The following SLC4A4 variants were observed in gnomAD, a reference collection of about 807,000 sequenced individuals.
SLC4A4 encodes solute carrier family 4 member 4, also known as electrogenic sodium bicarbonate cotransporter 1.
In SLC4A4, 27 loss-of-function variants were observed where a neutral mutation model predicts 111.5. The observed-to-expected ratio is 0.24, with a 90% CI of 0.18 to 0.33. The LOEUF (loss-of-function observed/expected upper bound fraction) is 0.33. Among genes scored for constraint, SLC4A4 ranks in the 10% least tolerant of loss-of-function variants. The pLI, the probability that SLC4A4 is intolerant of heterozygous loss-of-function variation, is 1.00. For synonymous variants in SLC4A4, 443 were observed against 463.4 expected, an observed-to-expected ratio of 0.96 and a Z score of 0.57; for missense variants, 909 against 1,315.5, an observed-to-expected ratio of 0.69 and a Z score of 4.78.
At chr4:71,074,185 T>C (rs991046808) in intron 1 of SLC4A4, among the ~76,000 whole-genome samples, 8 of 152,294 alleles carry the variant, frequency 5.3e-5, no homozygotes, top group Admixed American at 4.6e-4. Context: ...GTCACTCTGT[T>C]TCTCCATAGT....
intron 7 of SLC4A4, among the ~76,000 whole-genome samples, chr4:71,439,217 A>G (rs1724443914): frequency 6.6e-6 from 1 of 151,674 alleles, no homozygotes; most frequent in East Asian, 1.9e-4. Flanking sequence ...TCCCGAGGTC[A>G]GGAGTTCGAG....
At chr4:71,396,546 G>T (rs1334212607) in intron 6 of SLC4A4, among the ~76,000 whole-genome samples, 3 of 152,310 alleles carry the variant, frequency 2.0e-5, no homozygotes, top group African/African-American at 4.8e-5. Flanking sequence ...GTAAAGAGCA[G>T]CCTGAGTCAG....
intron 2 of SLC4A4, among the ~76,000 whole-genome samples, chr4:71,161,432 G>A (rs945886048): frequency 6.6e-6 from 1 of 152,174 alleles, no homozygotes; most frequent in African/African-American, 2.4e-5. Context: ...TCCAGTTGCC[G>A]TCCATTAGGT....
intron 2 of SLC4A4, among the ~76,000 whole-genome samples, chr4:71,109,591 A>G (rs576280097): frequency 6.6e-6 from 1 of 151,144 alleles, no homozygotes; most frequent in Non-Finnish European, 1.5e-5. Context: ...CACCCAGGCC[A>G]GAGTACGGTG....
At position 71,537,156 on chromosome 4, in the gene SLC4A4, C is replaced by T. The variant is rs1455788191; in HGVS notation, c.2442+2768C>T. 5.3e-5 allele frequency among the ~76,000 whole-genome samples: 8 copies of T among 151,962 alleles called. No homozygotes were observed. In the East Asian group the frequency reaches 1.6e-3, roughly 30 times the overall value. On this transcript the variant is annotated intron_variant, in intron 18 of 25. Transcript: ENST00000264485. Reference sequence around the variant, plus strand: ...TTATATTTCCTGAATATTTTTCCTGCTATACCTACTGTGCTGAACTCTATT... The same window carrying T: ...TTATATTTCCTGAATATTTTTCCTGTTATACCTACTGTGCTGAACTCTATT...
At chr4:71,537,464 AAG>A (rs1560599870) in intron 18 of SLC4A4, among the ~76,000 whole-genome samples, 1 of 151,362 alleles carries the variant, frequency 6.6e-6, no homozygotes, top group Non-Finnish European at 1.5e-5. Context: ...GAGAGAGAGA[AAG>A]AGAGAGAGAA....
chr4:71,116,768 A>C (rs1743278857), intron 2 of SLC4A4, among the ~76,000 whole-genome samples: 1 of 152,122 alleles, frequency 6.6e-6, no homozygotes, highest in African/African-American at 2.4e-5. Context: ...ACATGGAGAA[A>C]TCCTGTCTCT....
chr4:71,522,645 A>G (rs1733060173), intron 16 of SLC4A4, among the ~76,000 whole-genome samples: 1 of 152,194 alleles, frequency 6.6e-6, no homozygotes, highest in Non-Finnish European at 1.5e-5. Flanking sequence ...GCCATTCTTA[A>G]GGAACTTCTT....
At chr4:71,136,909 G>A (rs1021144397) in intron 2 of SLC4A4, among the ~76,000 whole-genome samples, 2 of 152,144 alleles carry the variant, frequency 1.3e-5, no homozygotes, top group Non-Finnish European at 2.9e-5. Flanking sequence ...TATCTCCAGG[G>A]TAATGTTAGA....
intron 1 of SLC4A4, chr4:71,236,287 A>C: frequency 9.3e-7 from 1 of 1,071,866 alleles, no homozygotes; most frequent in Non-Finnish European, 1.2e-6. Flanking sequence ...TAAAACCCTA[A>C]AGGGGAGAGC....
At chr4:71,439,216 C>T (rs1432576309) in intron 7 of SLC4A4, among the ~76,000 whole-genome samples, 1 of 151,448 alleles carries the variant, frequency 6.6e-6, no homozygotes, top group Non-Finnish European at 1.5e-5. Context: ...ATCCCGAGGT[C>T]AGGAGTTCGA....
At chr4:71,201,754 T>C (rs1746263394) in intron 1 of SLC4A4, among the ~76,000 whole-genome samples, 1 of 152,198 alleles carries the variant, frequency 6.6e-6, no homozygotes, top group Admixed American at 6.5e-5. Context: ...TAAATTTTCT[T>C]TGCAAGAGGA....
intron 7 of SLC4A4, among the ~76,000 whole-genome samples, chr4:71,428,524 G>T (rs1207368579): frequency 6.6e-6 from 1 of 152,056 alleles, no homozygotes; most frequent in Non-Finnish European, 1.5e-5. Flanking sequence ...TGCAATGGAA[G>T]GTCGTGGAAT....
At position 71,497,687 on chromosome 4, in the gene SLC4A4, A is replaced by G. The variant is rs747614978; in HGVS notation, c.2161A>G (p.Thr721Ala). The G allele has an allele frequency of 6.2e-7, 1 of 1,611,060 alleles. No individual in the cohort carries two copies. The highest frequency in any genetic ancestry group is 2.2e-5 in the East Asian group (1 of 44,810). Reference protein sequence around the residue: ...KKFKTSPYFPTTARKLISDFA... With the variant: ...KKFKTSPYFPATARKLISDFA... ...ATTCAAAACTAGTCCTTATTTTCCA[A>G]CCACAGTAAGTACCTGAACTTTAAA... The change falls in exon 16 of 26, where the codon ACC becomes GCC. Residue 721 changes from threonine (T) to alanine (A), a missense_variant. Transcript: ENST00000264485.
intron 1 of SLC4A4, among the ~76,000 whole-genome samples, chr4:71,089,885 C>A (rs145584148): frequency 0.56 from 73,060 of 130,680 alleles, 22,775 homozygotes; most frequent in East Asian, 0.73. Context: ...CTCAGATCTC[C>A]AGCTGTGTGC....
chr4:71,116,445 C>T (rs1020161070), intron 2 of SLC4A4, among the ~76,000 whole-genome samples: 3 of 152,206 alleles, frequency 2.0e-5, no homozygotes, highest in Non-Finnish European at 4.4e-5. Context: ...CTCCTGCACA[C>T]CTACAGCCAC....
intron 16 of SLC4A4, among the ~76,000 whole-genome samples, chr4:71,512,902 T>G (rs1377085471): frequency 6.6e-6 from 1 of 152,208 alleles, no homozygotes; most frequent in Non-Finnish European, 1.5e-5. Context: ...CTTTACCCAA[T>G]GTAAGTTCTT....
chr4:71,185,165 G>T (rs1745410345), upstream of SLC4A4, among the ~76,000 whole-genome samples: 1 of 152,108 alleles, frequency 6.6e-6, no homozygotes, highest in Non-Finnish European at 1.5e-5. Flanking sequence ...TGTGTTTCTT[G>T]GACTTTTTCT....
intron 13 of SLC4A4, among the ~76,000 whole-genome samples, chr4:71,467,203 T>C: frequency 6.6e-6 from 1 of 152,048 alleles, no homozygotes; most frequent in Non-Finnish European, 1.5e-5. Flanking sequence ...CCATTTGTTA[T>C]TACTTCAGAA....
Sources: allele counts gnomAD v4.1 joint callset (sites outside exome capture counted in the v4.1 genomes callset), GRCh38; gene constraint gnomAD v4.1.1; transcripts MANE v1.5; gene names NCBI Gene and HGNC (gene_info 2026-07-23, HGNC 2026-07-21).